Variants in PXDNL observed in about 807,000 individuals in gnomAD.
PXDNL encodes the protein probable oxidoreductase PXDNL.
PXDNL carries 145 observed loss-of-function variants against 150.8 expected under a neutral mutation model. The observed-to-expected ratio is 0.96, with a 90% CI of 0.84 to 1.10. PXDNL has a LOEUF of 1.10. PXDNL is among the 50% of genes least tolerant of loss of function. The pLI is 0.00. For missense variants in PXDNL, 2,087 were observed against 1,873.9 expected, an observed-to-expected ratio of 1.11 and a Z score of -2.10; for synonymous variants, 757 against 725.7, an observed-to-expected ratio of 1.04 and a Z score of -0.69.
intron 4 of PXDNL, among the ~76,000 whole-genome samples, chr8:51,532,969 A>G (rs1164097800): frequency 6.6e-6 from 1 of 150,904 alleles, no homozygotes; most frequent in African/African-American, 2.4e-5. Flanking sequence ...TGCAATTCTA[A>G]TTGAATCAAG....
At chr8:51,640,006 T>C (rs1262116087) in intron 2 of PXDNL, among the ~76,000 whole-genome samples, 1 of 152,086 alleles carries the variant, frequency 6.6e-6, no homozygotes, top group Non-Finnish European at 1.5e-5. Context: ...TTATCCACCA[T>C]GATCAAGTGG....
intron 3 of PXDNL, among the ~76,000 whole-genome samples, chr8:51,565,329 GATAGATAGATAGATAA>G (rs1563466631): frequency 5.5e-5 from 5 of 91,480 alleles, no homozygotes; most frequent in African/African-American, 2.4e-4. Flanking sequence ...TAAATAGATA[GATAGATAGATAGATAA>G]ATAAATAAAT....
At chr8:51,440,228 T>C (rs964868007) in intron 12 of PXDNL, among the ~76,000 whole-genome samples, 2 of 151,950 alleles carry the variant, frequency 1.3e-5, no homozygotes, top group African/African-American at 4.8e-5. Flanking sequence ...AGCCAAGCTA[T>C]GAGGATGAAA....
At position 51,699,643 on chromosome 8, in the gene PXDNL, G is replaced by A. The variant is rs560115038; in HGVS notation, c.165-44883C>T. Among the ~76,000 whole-genome samples, 3 of 152,308 alleles carry A rather than the reference G, an allele frequency of 2.0e-5. No individual in the cohort carries two copies. The East Asian group carries it at 5.8e-4, about 29-fold the overall frequency. On this transcript the variant is annotated intron_variant, in intron 1 of 22. Coordinates refer to ENST00000356297, the MANE Select transcript of PXDNL (RefSeq NM_144651.5). ...GAGGCCTAGCTTTCAGCCTATCTCA[G>A]CTTTCCACATGCCTTCCTCACTAAG...
intron 19 of PXDNL, among the ~76,000 whole-genome samples, chr8:51,364,147 T>C (rs1806839480): frequency 6.6e-6 from 1 of 152,208 alleles, no homozygotes. Context: ...TGCAAAGCCT[T>C]AATGCACTAT....
intron 3 of PXDNL, among the ~76,000 whole-genome samples, chr8:51,582,223 G>T (rs1364659961): frequency 6.6e-6 from 1 of 152,068 alleles, no homozygotes; most frequent in Non-Finnish European, 1.5e-5. Flanking sequence ...CAAAGCACAT[G>T]TACTGAGGAA....
chr8:51,533,207 G>A (rs1192801638), intron 4 of PXDNL, among the ~76,000 whole-genome samples: 2 of 152,094 alleles, frequency 1.3e-5, no homozygotes, highest in African/African-American at 4.8e-5. Flanking sequence ...CTGGAGCACA[G>A]TGGCGCAATC....
intron 6 of PXDNL, among the ~76,000 whole-genome samples, chr8:51,478,958 G>T (rs1010265996): frequency 1.3e-5 from 2 of 152,128 alleles, no homozygotes; most frequent in African/African-American, 4.8e-5. Context: ...AAGATAGTTT[G>T]TCAAAATAAC....
chr8:51,348,847 T>C (rs1806246636), intron 19 of PXDNL, among the ~76,000 whole-genome samples: 1 of 152,158 alleles, frequency 6.6e-6, no homozygotes, highest in Admixed American at 6.5e-5. Flanking sequence ...AGACAGGGTT[T>C]AAATCCGGAC....
intron 4 of PXDNL, among the ~76,000 whole-genome samples, chr8:51,504,004 A>G (rs1465159704): frequency 6.6e-6 from 1 of 152,124 alleles, no homozygotes; most frequent in Non-Finnish European, 1.5e-5. Context: ...GTCTCAATTT[A>G]TGGCACTGCT....
At chr8:51,501,600 TCACA>T (rs911833272) in intron 4 of PXDNL, among the ~76,000 whole-genome samples, 2 of 151,352 alleles carry the variant, frequency 1.3e-5, no homozygotes, top group African/African-American at 4.9e-5. Flanking sequence ...TCACCTAATC[TCACA>T]CACTCACACT....
At chr8:51,589,196 C>T (rs1003185201) in intron 3 of PXDNL, among the ~76,000 whole-genome samples, 5 of 152,086 alleles carry the variant, frequency 3.3e-5, no homozygotes, top group Admixed American at 6.5e-5. Flanking sequence ...AACCATGAGT[C>T]GAATAAACTT....
At chr8:51,628,599 T>A (rs1814418758) in intron 2 of PXDNL, among the ~76,000 whole-genome samples, 1 of 151,600 alleles carries the variant, frequency 6.6e-6, no homozygotes, top group Non-Finnish European at 1.5e-5. Flanking sequence ...AGAGATGGGG[T>A]TTCACCATGT....
At chr8:51,471,139 CA>C (rs5891416) in intron 8 of PXDNL, among the ~76,000 whole-genome samples, 87,980 of 113,066 alleles carry the variant, frequency 0.78, 35,328 homozygotes, top group Non-Finnish European at 0.91. Context: ...AACAAATTTA[CA>C]AAAAAAAAAA....
chr8:51,744,789 A>G (rs2036958926), intron 1 of PXDNL, among the ~76,000 whole-genome samples: 2 of 150,420 alleles, frequency 1.3e-5, no homozygotes, highest in Non-Finnish European at 3.0e-5. Flanking sequence ...AAAAGAGAGA[A>G]AAAGAGAAAG....
chr8:51,588,498 A>G (rs1813375527), intron 3 of PXDNL, among the ~76,000 whole-genome samples: 1 of 152,192 alleles, frequency 6.6e-6, no homozygotes, highest in Non-Finnish European at 1.5e-5. Flanking sequence ...AGTTGTGTGA[A>G]ATGATTTTTT....
intron 1 of PXDNL, among the ~76,000 whole-genome samples, chr8:51,800,435 C>T (rs1012015086): frequency 2.0e-5 from 3 of 152,126 alleles, no homozygotes; most frequent in Non-Finnish European, 4.4e-5. Context: ...TGTCACGCAG[C>T]CTGGGAGTAA....
chr8:51,706,048 T>C (rs1055700413), intron 1 of PXDNL, among the ~76,000 whole-genome samples: 4 of 152,198 alleles, frequency 2.6e-5, no homozygotes, highest in Non-Finnish European at 5.9e-5. Flanking sequence ...CAGTGGCTCA[T>C]GCCTATAATC....
intron 8 of PXDNL, among the ~76,000 whole-genome samples, chr8:51,458,864 G>A (rs1237949476): frequency 6.6e-6 from 1 of 152,206 alleles, no homozygotes; most frequent in Non-Finnish European, 1.5e-5. Context: ...TTATGTTTTA[G>A]AGCGGAATCA....
Sources: allele counts gnomAD v4.1 joint callset (sites outside exome capture counted in the v4.1 genomes callset), GRCh38; gene constraint gnomAD v4.1.1; transcripts MANE v1.5; gene names NCBI Gene and HGNC (gene_info 2026-07-23, HGNC 2026-07-21).